Variants in CFAP74 observed in about 807,000 individuals in gnomAD.
The protein encoded by CFAP74 is cilia and flagella associated protein 74.
Under a neutral mutation model 188.9 loss-of-function variants are expected in CFAP74, and 124 were observed. The observed-to-expected ratio is 0.66, with a 90% CI of 0.57 to 0.76. The LOEUF (loss-of-function observed/expected upper bound fraction) is 0.76. Among genes scored for constraint, CFAP74 ranks in the 30% least tolerant of loss-of-function variants. The pLI, the probability that CFAP74 is intolerant of heterozygous loss-of-function variation, is 0.00. For synonymous variants in CFAP74, 956 were observed against 916.7 expected (o/e 1.04, Z -0.77); for missense variants, 2,198 against 2,165.2 (o/e 1.02, Z -0.30).
chr1:1,929,433 G>T, intron 26 of CFAP74, among the ~76,000 whole-genome samples: 1 of 140,422 alleles, frequency 7.1e-6, no homozygotes, highest in Non-Finnish European at 1.6e-5. Context: ...CGAGGGGAGA[G>T]GGTAGGGGAG....
Position 1,990,953 on chromosome 1 carries a change from C to G in CFAP74, c.4G>C (p.Glu2Gln). Residue 2 changes from glutamate (E) to glutamine (Q), a missense_variant, in exon 2 of 39, where the codon GAG becomes CAG. Transcript: ENST00000682832. Reference sequence around the variant, plus strand: ...TCAGGGAGCAGGCTGCCGTCATCCTCCATGCTGGGAGATAGAAATTAGCTG... The same window carrying G: ...TCAGGGAGCAGGCTGCCGTCATCCTGCATGCTGGGAGATAGAAATTAGCTG... MEDDGSLLPEDE... is the reference protein window; with the variant it reads MQDDGSLLPEDE... The G allele has an allele frequency of 6.2e-7, 1 of 1,611,112 alleles. No homozygotes were observed. The highest frequency in any genetic ancestry group is 8.5e-7 in the Non-Finnish European group (1 of 1,179,112).
At chr1:1,933,907 C>T (rs913075163) in intron 25 of CFAP74, among the ~76,000 whole-genome samples, 9 of 152,144 alleles carry the variant, frequency 5.9e-5, no homozygotes, top group African/African-American at 1.4e-4. Context: ...CTAATATCTG[C>T]GTTTAGAACT....
chr1:1,945,154 A>G (rs1289759154), intron 20 of CFAP74, among the ~76,000 whole-genome samples: 1 of 151,998 alleles, frequency 6.6e-6, no homozygotes, highest in Non-Finnish European at 1.5e-5. Flanking sequence ...AAAAAATACA[A>G]AACTTAGCCA....
At chr1:1,993,359 A>G (rs1018755140) in intron 1 of CFAP74, among the ~76,000 whole-genome samples, 2 of 151,742 alleles carry the variant, frequency 1.3e-5, no homozygotes, top group Non-Finnish European at 2.9e-5. Context: ...ATCACAGCTC[A>G]CTGCAGCCTC....
chr1:1,951,362 CA>C (rs1243694045), intron 18 of CFAP74, among the ~76,000 whole-genome samples: 3 of 152,186 alleles, frequency 2.0e-5, no homozygotes, highest in African/African-American at 4.8e-5. Context: ...CAGACTATAT[CA>C]GGGGGCTTAT....
At chr1:1,991,056 G>T in intron 1 of CFAP74, 81 bp from the exon 2 acceptor site, 1 of 973,408 alleles carries the variant, frequency 1.0e-6, no homozygotes, top group Non-Finnish European at 1.5e-6. Flanking sequence ...TCTTAAAGAA[G>T]GCATTAAGAA....
chr1:1,958,862 C>T (rs549609387), intron 16 of CFAP74, among the ~76,000 whole-genome samples: 2 of 152,290 alleles, frequency 1.3e-5, no homozygotes, highest in East Asian at 3.9e-4. Context: ...GCCCTGCAGT[C>T]TGGGCTCCAC....
chr1:1,936,086 G>T (rs964669289), intron 25 of CFAP74, among the ~76,000 whole-genome samples: 1 of 151,746 alleles, frequency 6.6e-6, no homozygotes, highest in African/African-American at 2.4e-5. Flanking sequence ...GCGTGGTGGC[G>T]TATGCCTGTA....
chr1:1,955,891 ACCT>A, intron 17 of CFAP74, 41 bp from the exon 18 acceptor site: 1 of 1,575,890 alleles, frequency 6.3e-7, no homozygotes, highest in Non-Finnish European at 8.6e-7. Flanking sequence ...GAGGTTTCCC[ACCT>A]CCTTTTCCCA....
At chr1:1,982,705 G>A (rs924277303) in intron 6 of CFAP74, among the ~76,000 whole-genome samples, 3 of 152,238 alleles carry the variant, frequency 2.0e-5, no homozygotes, top group Non-Finnish European at 4.4e-5. Flanking sequence ...GGAGGAGGGC[G>A]GCAGGTGGGC....
intron 18 of CFAP74, chr1:1,955,315 C>T: frequency 7.7e-7 from 1 of 1,305,228 alleles, no homozygotes; most frequent in Non-Finnish European, 1.0e-6. Flanking sequence ...GCACCTCTCC[C>T]CGCTGGTGCG....
At chr1:1,983,647 C>G (rs1429383350) in intron 6 of CFAP74, 1 of 152,306 alleles carries the variant, frequency 6.6e-6, no homozygotes, top group Non-Finnish European at 1.5e-5. Flanking sequence ...TGCCATTCTG[C>G]AGCTCTTCTG....
At chr1:1,933,011 G>A (rs1252249707) in intron 25 of CFAP74, among the ~76,000 whole-genome samples, 2 of 148,820 alleles carry the variant, frequency 1.3e-5, no homozygotes, top group Non-Finnish European at 3.0e-5. Flanking sequence ...TCAGCCTCCC[G>A]AGTAGCTGGG....
intron 25 of CFAP74, among the ~76,000 whole-genome samples, chr1:1,938,263 T>A (rs908821283): frequency 3.4e-5 from 5 of 147,450 alleles, no homozygotes; most frequent in Non-Finnish European, 6.0e-5. Flanking sequence ...ACACTCAACC[T>A]TACACACCCA....
intron 18 of CFAP74, chr1:1,955,111 G>C: frequency 8.8e-7 from 1 of 1,139,770 alleles, no homozygotes; most frequent in Non-Finnish European, 1.1e-6. Flanking sequence ...AACCGGCCCA[G>C]CTCCGCGCTG....
intron 24 of CFAP74, 73 bp from the exon 25 acceptor site, chr1:1,939,061 G>A: frequency 2.1e-6 from 3 of 1,440,506 alleles, no homozygotes; most frequent in South Asian, 2.5e-5. Context: ...AGGGCCGTGA[G>A]TGTGAGAGTA....
At position 1,985,664 on chromosome 1, in the gene CFAP74, G is replaced by A. The variant is rs540467366; in HGVS notation, c.396-174C>T. ...GGAGGCTCTCCACATGCCCCTTTCC[G>A]CTGGGCAGGCAGTGCCCACATGGCA... On this transcript the variant is annotated intron_variant, in intron 5 of 38. Transcript: ENST00000682832. Among the ~76,000 whole-genome samples the A allele has an allele frequency of 3.3e-4, 51 of 152,376 alleles. No individual in the cohort carries two copies. In the South Asian group the frequency reaches 3.5e-3, roughly 11 times the overall value.
intron 11 of CFAP74, among the ~76,000 whole-genome samples, chr1:1,967,937 A>G (rs1354674455): frequency 6.9e-6 from 1 of 145,286 alleles, no homozygotes; most frequent in Non-Finnish European, 1.5e-5. Context: ...GAGTGAATGA[A>G]TGAATGAGTG....
Position 1,974,113 on chromosome 1 carries a change from G to C in CFAP74, c.586C>G (p.Arg196Gly). The change falls in exon 7 of 39, where the codon CGG (arginine) becomes GGG (glycine). Residue 196 changes from arginine (R) to glycine (G), a missense_variant. Coordinates refer to ENST00000682832, the MANE Select transcript of CFAP74 (RefSeq NM_001304360.2). ...TCGGCTGCGCGCACCTGGAGCCGCCGCCCCGTGGCCTCCACCTCCTCACGG... is the reference window on the plus strand; with the variant it reads ...TCGGCTGCGCGCACCTGGAGCCGCCCCCCCGTGGCCTCCACCTCCTCACGG... ...ADREEVEATG[R>G]RLQVRAAEQL... 2 of 1,612,426 alleles carry C rather than the reference G, an allele frequency of 1.2e-6. No homozygotes were observed. The highest frequency in any genetic ancestry group is 1.7e-6 in the Non-Finnish European group (2 of 1,179,222).
Sources: gnomAD v4.1 joint callset for allele counts (sites outside exome capture counted in the v4.1 genomes callset) on GRCh38, gnomAD v4.1.1 for gene constraint, MANE v1.5 for transcripts, NCBI Gene and HGNC (gene_info 2026-07-23, HGNC 2026-07-21) for gene names.